AHNAK2: variants seen among roughly 807,000 people sequenced by gnomAD.
AHNAK2 encodes protein AHNAK2.
A neutral mutation model predicts 30.7 loss-of-function variants in AHNAK2; 18 were observed. The observed-to-expected ratio is 0.59, with a 90% confidence interval of 0.41 to 0.87. The LOEUF is 0.87. Ranked by LOEUF, AHNAK2 falls within the 40% of genes least tolerant of loss-of-function variation. The probability of loss-of-function intolerance (pLI) is 0.00; values close to 1 mark genes in which losing one functional copy is unlikely to be tolerated. For missense variants in AHNAK2, 8,604 were observed against 7,373.0 expected (o/e 1.17, Z -6.11); for synonymous variants, 3,590 against 3,073.8 (o/e 1.17, Z -5.56).
chr14:104,942,071 G>T lies in AHNAK2; in HGVS notation c.13380C>A (p.Asp4460Glu). ...TGAACTTGGGCATTTTGAACTTGCT[G>T]TCTTTGGCAGTCACGTCCTTGTCAG... ...SLADKDVTAK[D>E]SKFKMPKFKM... is the part of the protein sequence containing the mutation. Residue 4460 changes from aspartate (D) to glutamate (E), a missense_variant, in exon 7 of 7, where the codon GAC becomes GAA. Physicochemically the swap from Asp to Glu is conservative, Grantham distance 45 (BLOSUM62 2). Coordinates refer to ENST00000333244, the MANE Select transcript of AHNAK2 (RefSeq NM_138420.4). The T allele has an allele frequency of 6.2e-7, 1 of 1,612,820 alleles. No homozygotes were observed. Among genetic ancestry groups the T allele is most frequent in the Non-Finnish European group, 8.5e-7 (1 of 1,179,586 alleles).
intron 4 of AHNAK2, 89 bp downstream of exon 4, chr14:104,956,499 C>G: frequency 7.3e-7 from 1 of 1,367,306 alleles, no homozygotes; most frequent in Non-Finnish European, 1.0e-6. Flanking sequence ...CTCTTTGCTC[C>G]TCCCCTGCCT....
Position 104,948,077 on chromosome 14 carries a change from G to C in AHNAK2, c.7374C>G (p.Ala2458=). ...SVEVDVEAPG[A]KLDGAWLEGD... ...CCTCCAGCCACGCACCATCCAGCTT[G>C]GCTCCCGGGGCCTCGACATCCACCT... Residue 2458 remains alanine, a synonymous_variant, in exon 7 of 7, where the codon GCC becomes GCG. Coordinates refer to ENST00000333244, the MANE Select transcript of AHNAK2 (RefSeq NM_138420.4). 6.2e-7 allele frequency: 1 copy of C among 1,611,344 alleles called. No homozygotes were observed. The highest frequency in any genetic ancestry group is 8.5e-7 in the Non-Finnish European group (1 of 1,179,218).
chr14:104,940,355 C>T lies in AHNAK2; in HGVS notation c.15096G>A (p.Lys5032=). 1 of 1,613,828 alleles carries T rather than the reference C, an allele frequency of 6.2e-7. No individual in the cohort carries two copies. The highest frequency in any genetic ancestry group is 8.5e-7 in the Non-Finnish European group (1 of 1,179,874). The change falls in exon 7 of 7, where the codon AAG becomes AAA. Residue 5032 remains lysine, a synonymous_variant. Coordinates refer to ENST00000333244, the MANE Select transcript of AHNAK2 (RefSeq NM_138420.4). The surrounding 1 kb of genome is among the most constrained non-coding windows in gnomAD (Gnocchi z 4.4). ...GCAGGCTGACCCCACTCTTAGAAGC[C>T]TTCATTTTGGGAAGTGCAAGTTTTG... ...AMPKLALPKM[K]ASKSGVSLPQ...
At chr14:104,955,918 C>G in intron 4 of AHNAK2, among the ~76,000 whole-genome samples, 1 of 152,270 alleles carries the variant, frequency 6.6e-6, no homozygotes, top group East Asian at 1.9e-4. Context: ...CCAGGAGCAG[C>G]GCAGAACGGA....
At position 104,948,150 on chromosome 14, in the gene AHNAK2, T is replaced by C; in HGVS notation, c.7301A>G (p.Lys2434Arg). 1.2e-6 allele frequency: 2 copies of C among 1,612,524 alleles called. No individual in the cohort carries two copies. Among genetic ancestry groups the C allele is most frequent in the South Asian group, 2.2e-5 (2 of 91,046 alleles). The change falls in exon 7 of 7, where the codon AAG becomes AGG. Residue 2434 changes from lysine to arginine, a missense_variant. Transcript: ENST00000333244. The part of the protein sequence containing the change: ...KGPKLDLKGP[K>R]TDVMAPDVEV... ...CACGTCGGGGGCCATCACGTCCGTC[T>C]TGGGGCCTTTCAGGTCCAGCTTGGG...
rs188577753 is a variant in AHNAK2, at chr14:104,948,169, G to C, written c.7282C>G (p.Leu2428Val). ...TCCGTCTTGGGGCCTTTCAGGTCCA[G>C]CTTGGGGCCCTTGACATCTATCTGG... The part of the protein sequence containing the change: ...GPQIDVKGPK[L>V]DLKGPKTDVM... Residue 2428 changes from leucine to valine, a missense_variant, in exon 7 of 7, where the codon CTG becomes GTG. Transcript: ENST00000333244. The C allele has an allele frequency of 2.3e-5, 37 of 1,612,824 alleles. 1 individual carries two copies. The highest frequency in any genetic ancestry group is 1.7e-4 in the Admixed American group (10 of 59,942).
Position 104,939,997 on chromosome 14 carries a change from C to CG in AHNAK2, c.15453_15454insC (p.Ala5152ArgfsTer5). The CG allele has an allele frequency of 6.2e-7, 1 of 1,612,392 alleles. No homozygotes were observed. The highest frequency in any genetic ancestry group is 8.5e-7 in the Non-Finnish European group (1 of 1,179,880). On this transcript the variant is annotated frameshift_variant, in exon 7 of 7. Coordinates refer to ENST00000333244, the MANE Select transcript of AHNAK2 (RefSeq NM_138420.4). LOFTEE classifies it low-confidence loss of function (END_TRUNC). ...TGGAGGGGATCTTCAGGTGTGGGGG[C>CG]TATCCCCTCCCCACAAGGCTGGCTC...
Position 104,951,742 on chromosome 14 carries a change from G to T in AHNAK2, c.3709C>A (p.Pro1237Thr). ...VDVKLLEGHV[P>T]EGAGFKGHLP... The stretch of plus-strand genomic sequence containing the variant: ...TGCCCTTTGAAGCCGGCTCCCTCAG[G>T]CACGTGGCCCTCCAGGAGCTTCACG... Residue 1237 changes from proline (P) to threonine (T), a missense_variant, in exon 7 of 7, where the codon CCT (proline) becomes ACT (threonine). Physicochemically the swap from Pro to Thr is conservative, Grantham distance 38. Transcript: ENST00000333244. 11 of 1,242,076 alleles carry T rather than the reference G, an allele frequency of 8.9e-6. 3 individuals are homozygous for T. The highest frequency in any genetic ancestry group is 1.3e-5 in the Non-Finnish European group (11 of 878,134). The allele number at this position is 1,242,076 out of a possible 1,614,324, so 76.9% of individuals were successfully genotyped here. A position where few individuals can be genotyped will look rare whatever the true frequency, so the allele number is the denominator to read the frequency against.
At position 104,947,715 on chromosome 14, in the gene AHNAK2, A is replaced by T. The variant is rs1260422836; in HGVS notation, c.7736T>A (p.Met2579Lys). 6.2e-7 allele frequency: 1 copy of T among 1,612,188 alleles called. No individual in the cohort carries two copies. Among genetic ancestry groups the T allele is most frequent in the Non-Finnish European group, 8.5e-7 (1 of 1,179,466 alleles). ...ATCTAGCTGGGGGCCCTTGAGGTCC[A>T]TTTCAGGCATCTTGAAACTGGGCAT... ...VQMPSFKMPE[M>K]DLKGPQLDVK... The change falls in exon 7 of 7, where the codon ATG becomes AAG. Residue 2579 changes from methionine (M) to lysine (K), a missense_variant. Met to Lys is a moderately conservative substitution (Grantham distance 95). Transcript: ENST00000333244.
Position 104,942,118 on chromosome 14 carries a change from G to A in AHNAK2, c.13333C>T (p.Leu4445=). Residue 4445 remains leucine, a synonymous_variant, in exon 7 of 7, where the codon CTG becomes TTG. Coordinates refer to ENST00000333244, the MANE Select transcript of AHNAK2 (RefSeq NM_138420.4). ...APGAKLDSTR[L]EGDLSLADKD... is the part of the protein sequence containing the mutation. ...TCAGCCAGGGACAGGTCCCCCTCCA[G>A]CCGCGTACTGTCCAGCTTGGCTCCT... 6.2e-7 allele frequency: 1 copy of A among 1,613,358 alleles called. No homozygotes were observed. The highest frequency in any genetic ancestry group is 8.5e-7 in the Non-Finnish European group (1 of 1,179,726).
At position 104,953,155 on chromosome 14, in the gene AHNAK2, A is replaced by T. The variant is rs530314146; in HGVS notation, c.2296T>A (p.Leu766Met). 4 of 1,612,856 alleles carry T rather than the reference A, an allele frequency of 2.5e-6. No homozygotes were observed. The African/African-American group carries it at 4.0e-5, about 16-fold the overall frequency. The change falls in exon 7 of 7, where the codon TTG becomes ATG. Residue 766 changes from leucine (L) to methionine (M), a missense_variant. By Grantham distance (15) the Leu-to-Met change is conservative (BLOSUM62 2). Coordinates refer to ENST00000333244, the MANE Select transcript of AHNAK2 (RefSeq NM_138420.4). ...GHLPKVQRPS[L>M]KMPKVDLKGP... ...TTGAGGTCCACTTTGGGCATCTTCA[A>T]ACTGGGCCTCTGCACCTTGGGCAGG...
In AHNAK2 at chr14:104,971,350, G is replaced by C. The variant is rs115329320; in HGVS notation, c.55+6833C>G. ...GGCTGATCTCATACGCATGGGCTCA[G>C]GTGATCCTCCCGCCTTGGCCTCCCA... On this transcript the variant is annotated intron_variant, in intron 1 of 6. Transcript: ENST00000333244. Among the ~76,000 whole-genome samples, 744 of 152,068 alleles carry C rather than the reference G, an allele frequency of 4.9e-3. 11 individuals carry two copies. The highest frequency in any genetic ancestry group is 0.017 in the African/African-American group (711 of 41,468).
At chr14:104,964,540 A>AC (rs1208357871) in intron 1 of AHNAK2, among the ~76,000 whole-genome samples, 1 of 152,180 alleles carries the variant, frequency 6.6e-6, no homozygotes, top group Non-Finnish European at 1.5e-5. Flanking sequence ...AATCTGCAGC[A>AC]CCCAGAAACC....
rs371284486 is a variant in AHNAK2, at chr14:104,951,766, C to T, written c.3685G>A (p.Val1229Met). The T allele has an allele frequency of 1.2e-5, 16 of 1,314,332 alleles. 2 individuals are homozygous for T. The East Asian group carries it at 1.3e-4, about 11-fold the overall frequency. The allele number at this position is 1,314,332 out of a possible 1,614,324, so 81.4% of individuals were successfully genotyped here. The change falls in exon 7 of 7, where the codon GTG (valine) becomes ATG (methionine). Residue 1229 changes from valine (V) to methionine (M), a missense_variant. Coordinates refer to ENST00000333244, the MANE Select transcript of AHNAK2 (RefSeq NM_138420.4). ...DLEVHAGQVD[V>M]KLLEGHVPEG... ...GGCACGTGGCCCTCCAGGAGCTTCA[C>T]GTCCACCTGGCCAGCGTGGACCTCC...
Position 104,949,715 on chromosome 14 carries a change from G to A in AHNAK2, c.5736C>T (p.Pro1912=), listed in dbSNP as rs141832058. ...GGTCCACTTTGGGCATCTTGAAACT[G>A]GGCATATCCACCTTGGGCAAGTGCC... ...LKGHLPKVDM[P]SFKMPKVDLK... is the part of the protein sequence containing the mutation. The change falls in exon 7 of 7, where the codon CCC becomes CCT. Residue 1912 remains proline (P), a synonymous_variant. Transcript: ENST00000333244. 2,145 of 1,587,142 alleles carry A rather than the reference G, an allele frequency of 1.4e-3. 226 individuals are homozygous for A. In the African/African-American group the frequency reaches 0.026, roughly 19 times the overall value.
rs530369664 is a variant in AHNAK2, at chr14:104,951,742, G to A, written c.3709C>T (p.Pro1237Ser). The change falls in exon 7 of 7, where the codon CCT becomes TCT. Residue 1237 changes from proline (P) to serine (S), a missense_variant. By Grantham distance (74) the Pro-to-Ser change is moderately conservative (BLOSUM62 -1). Coordinates refer to ENST00000333244, the MANE Select transcript of AHNAK2 (RefSeq NM_138420.4). Reference sequence around the variant, plus strand: ...TGCCCTTTGAAGCCGGCTCCCTCAGGCACGTGGCCCTCCAGGAGCTTCACG... The same window carrying A: ...TGCCCTTTGAAGCCGGCTCCCTCAGACACGTGGCCCTCCAGGAGCTTCACG... ...VDVKLLEGHV[P>S]EGAGFKGHLP... 8.1e-5 allele frequency: 100 copies of A among 1,241,926 alleles called. 33 individuals are homozygous for A. The highest frequency in any genetic ancestry group is 4.2e-4 in the South Asian group (29 of 69,862). The allele number at this position is 1,241,926 out of a possible 1,614,324, so 76.9% of individuals were successfully genotyped here. A position where few individuals can be genotyped will look rare whatever the true frequency, so the allele number is the denominator to read the frequency against.
rs769078266 is a variant in AHNAK2, at chr14:104,946,187, C to T, written c.9264G>A (p.Leu3088=). The change falls in exon 7 of 7, where the codon CTG becomes CTA. Residue 3088 remains leucine, a synonymous_variant. Transcript: ENST00000333244. ...CGTCCGTCTTCGGGCCTTTCAGGTC[C>T]AGCTTGGGGCCCTTGACATCTATCT... ...GPQIDVKGPK[L]DLKGPKTDVT... 2 of 1,608,536 alleles carry T rather than the reference C, an allele frequency of 1.2e-6. No homozygotes were observed. The highest frequency in any genetic ancestry group is 1.7e-6 in the Non-Finnish European group (2 of 1,177,752).
chr14:104,969,987 T>C (rs1000240348), intron 1 of AHNAK2, among the ~76,000 whole-genome samples: 1 of 151,872 alleles, frequency 6.6e-6, no homozygotes, highest in African/African-American at 2.4e-5. Context: ...CCAGGGCCCC[T>C]GTGCACCAAG....
chr14:104,945,305 G>A lies in AHNAK2; in HGVS notation c.10146C>T (p.Pro3382=), dbSNP rs775709835. Residue 3382 remains proline (P), a synonymous_variant, in exon 7 of 7, where the codon CCC becomes CCT. Coordinates refer to ENST00000333244, the MANE Select transcript of AHNAK2 (RefSeq NM_138420.4). ...GGTGCCCTTTGAGGCCAGCTCCCTC[G>A]GGCACGTGGCCCTCCGGGAGCTTCA... The part of the protein sequence containing the change: ...VDVKLPEGHV[P]EGAGLKGHLP... The A allele has an allele frequency of 2.8e-5, 45 of 1,612,782 alleles. No homozygotes were observed. Among genetic ancestry groups the A allele is most frequent in the East Asian group, 1.1e-4 (5 of 44,746 alleles).
Sources: gnomAD v4.1 joint callset for allele counts (sites outside exome capture counted in the v4.1 genomes callset) on GRCh38, gnomAD v4.1.1 for gene constraint, Gnocchi (gnomAD v3.1) non-coding constraint, MANE v1.5 for transcripts, NCBI Gene and HGNC (gene_info 2026-07-23, HGNC 2026-07-21) for gene names.